Variants in ATL3 observed in about 807,000 individuals in gnomAD.
ATL3 encodes atlastin-3.
In ATL3, 49 loss-of-function variants were observed where a neutral mutation model predicts 69.5. That is an observed-to-expected ratio of 0.71 (90% CI 0.56 to 0.89). ATL3 has a LOEUF of 0.89. ATL3 is among the 40% of genes least tolerant of loss of function. ATL3 has a pLI of 0.00. For missense variants in ATL3, 606 were observed against 645.7 expected, an observed-to-expected ratio of 0.94 and a Z score of 0.67; for synonymous variants, 214 against 224.1, an observed-to-expected ratio of 0.95 and a Z score of 0.40.
intron 5 of ATL3, among the ~76,000 whole-genome samples, chr11:63,650,947 G>T (rs964469426): frequency 2.6e-5 from 4 of 152,084 alleles, no homozygotes; most frequent in Non-Finnish European, 5.9e-5. Flanking sequence ...GGTTTAGGAG[G>T]AATTTTCCTT....
chr11:63,637,255 AAC>A (rs1395210748), intron 8 of ATL3, among the ~76,000 whole-genome samples: 2 of 150,738 alleles, frequency 1.3e-5, no homozygotes, highest in Non-Finnish European at 1.5e-5. Context: ...CAGCCTGGGC[AAC>A]AGAGTGAGAC....
intron 1 of ATL3, among the ~76,000 whole-genome samples, chr11:63,665,004 G>C (rs568672979): frequency 1.8e-4 from 27 of 152,208 alleles, no homozygotes; most frequent in Non-Finnish European, 1.6e-4. Context: ...AGTAGACATG[G>C]AAGATAAAGT....
At chr11:63,647,011 G>A (rs989589818) in intron 5 of ATL3, among the ~76,000 whole-genome samples, 3 of 152,200 alleles carry the variant, frequency 2.0e-5, no homozygotes, top group South Asian at 2.1e-4. Context: ...GGGGCACACC[G>A]CTGCCTTAGG....
In ATL3 at chr11:63,631,037, T is replaced by G. The variant is rs1939296103; in HGVS notation, c.1539+3A>C. Reference sequence around the variant, plus strand: ...CCTCAGGCTCTTCAGCAGCACCACTTACCTGCTCCAACACATATGCGGCAC... The same window carrying G: ...CCTCAGGCTCTTCAGCAGCACCACTGACCTGCTCCAACACATATGCGGCAC... On this transcript the variant is annotated splice_donor_region_variant and intron_variant, in intron 12 of 12. Transcript: ENST00000398868. 6.2e-7 allele frequency: 1 copy of G among 1,604,576 alleles called. No homozygotes were observed.
chr11:63,661,612 G>A (rs1439355476), intron 1 of ATL3, among the ~76,000 whole-genome samples: 2 of 152,024 alleles, frequency 1.3e-5, no homozygotes, highest in East Asian at 1.9e-4. Flanking sequence ...GCAAGGGGCC[G>A]GGCGTGCTGG....
chr11:63,637,277 GA>G (rs56386158), intron 8 of ATL3, among the ~76,000 whole-genome samples: 67 of 139,966 alleles, frequency 4.8e-4, no homozygotes, highest in Non-Finnish European at 4.2e-4. Flanking sequence ...CTCCATCTCA[GA>G]AAAAAAAAAA....
chr11:63,668,979 C>A (rs979130732), intron 1 of ATL3, among the ~76,000 whole-genome samples: 29 of 143,196 alleles, frequency 2.0e-4, no homozygotes, highest in African/African-American at 6.8e-4. Flanking sequence ...CCTGCAACAC[C>A]ACGTTGGCTA....
At chr11:63,667,250 C>T (rs1160846046) in intron 1 of ATL3, among the ~76,000 whole-genome samples, 1 of 152,122 alleles carries the variant, frequency 6.6e-6, no homozygotes, top group Non-Finnish European at 1.5e-5. Flanking sequence ...TACTTCATTG[C>T]TGTAAATAGC....
chr11:63,652,826 A>G (rs1452976108), intron 3 of ATL3, among the ~76,000 whole-genome samples: 1 of 152,210 alleles, frequency 6.6e-6, no homozygotes, highest in African/African-American at 2.4e-5. Context: ...GAAACAGACA[A>G]AAGTTGAAAG....
Position 63,671,327 on chromosome 11 carries a change from G to A in ATL3, c.9C>T (p.Ser3=), listed in dbSNP as rs1940768404. The A allele has an allele frequency of 1.9e-6, 3 of 1,586,302 alleles. No individual in the cohort carries two copies. Among genetic ancestry groups the A allele is most frequent in the Admixed American group, 1.7e-5 (1 of 57,428 alleles). The change falls in exon 1 of 13, where the codon TCC becomes TCT. Residue 3 remains serine, a synonymous_variant. Transcript: ENST00000398868. ML[S]PQRVAAAASR... ...AGGCAGCTGCTGCCACTCGCTGAGG[G>A]GACAACATGGAGCCTCCGCCTTCAA... is the stretch of plus-strand genomic sequence containing the variant.
intron 8 of ATL3, among the ~76,000 whole-genome samples, chr11:63,638,231 C>T (rs958871844): frequency 1.2e-4 from 18 of 152,114 alleles, no homozygotes; most frequent in Admixed American, 1.2e-3. Flanking sequence ...CAGAAACAAA[C>T]TCAATCTTTA....
chr11:63,649,338 G>A (rs1371655178), intron 5 of ATL3, among the ~76,000 whole-genome samples: 3 of 151,988 alleles, frequency 2.0e-5, no homozygotes, highest in Non-Finnish European at 4.4e-5. Flanking sequence ...TAGAGACGGG[G>A]TTTCACCATG....
In ATL3 at chr11:63,652,498, A is replaced by G; in HGVS notation, c.483T>C (p.Ala161=). 2 of 1,609,874 alleles carry G rather than the reference A, an allele frequency of 1.2e-6. No homozygotes were observed. The highest frequency in any genetic ancestry group is 1.7e-6 in the Non-Finnish European group (2 of 1,177,248). ...GAACAGAACTAGTCATAGTGCTTAG[A>G]GCAAAGATGGTAGCACAGTCTTTCA... ...STVKDCATIF[A]LSTMTSSVQI... is the part of the protein sequence containing the mutation. The change falls in exon 4 of 13, where the codon GCT becomes GCC. Residue 161 remains alanine (A), a synonymous_variant. Transcript: ENST00000398868.
At chr11:63,663,478 G>C (rs1191354995) in intron 1 of ATL3, among the ~76,000 whole-genome samples, 1 of 152,138 alleles carries the variant, frequency 6.6e-6, no homozygotes, top group Non-Finnish European at 1.5e-5. Flanking sequence ...TGGAAAACAA[G>C]TTATAAATAT....
chr11:63,667,334 A>ATT (rs113726146), intron 1 of ATL3, among the ~76,000 whole-genome samples: 1 of 145,760 alleles, frequency 6.9e-6, no homozygotes. Flanking sequence ...ATTAGAAAGC[A>ATT]TTTTTTTTTT....
intron 8 of ATL3, among the ~76,000 whole-genome samples, chr11:63,641,939 A>T (rs1939714009): frequency 6.6e-6 from 1 of 152,148 alleles, no homozygotes; most frequent in Non-Finnish European, 1.5e-5. Flanking sequence ...AGTCACTCTA[A>T]TTCACCCTCT....
At chr11:63,638,342 G>A (rs1484097349) in intron 8 of ATL3, among the ~76,000 whole-genome samples, 1 of 152,134 alleles carries the variant, frequency 6.6e-6, no homozygotes, top group African/African-American at 2.4e-5. Flanking sequence ...ACAGTAAGTA[G>A]GAAGATAACA....
At chr11:63,652,061 C>T in intron 4 of ATL3, 75 bp from the exon 5 acceptor site, 1 of 1,541,470 alleles carries the variant, frequency 6.5e-7, no homozygotes, top group Non-Finnish European at 8.7e-7. Flanking sequence ...AAAGGGCTGA[C>T]AGAAGCTTTG....
rs1939514041 is a variant in ATL3 at position 63,636,287 on chromosome 11, C to T, written c.898G>A (p.Val300Ile). 1.2e-6 allele frequency: 2 copies of T among 1,613,994 alleles called. No individual in the cohort carries two copies. The highest frequency in any genetic ancestry group is 1.7e-6 in the Non-Finnish European group (2 of 1,180,010). The change falls in exon 9 of 13, where the codon GTA (valine) becomes ATA (isoleucine). Residue 300 changes from valine to isoleucine, a missense_variant. Physicochemically the swap from Val to Ile is conservative, Grantham distance 29. Transcript: ENST00000398868. Reference sequence around the variant, plus strand: ...TCCATTAACTTAGATGGGTTTAATACATACGGTATCAGTGCCTGTAACTGC... The same window carrying T: ...TCCATTAACTTAGATGGGTTTAATATATACGGTATCAGTGCCTGTAACTGC... Reference protein sequence around the residue: ...KEQLQALIPYVLNPSKLMEKE... With the variant: ...KEQLQALIPYILNPSKLMEKE...
Sources: allele counts gnomAD v4.1 joint callset (sites outside exome capture counted in the v4.1 genomes callset), GRCh38; gene constraint gnomAD v4.1.1; transcripts MANE v1.5; gene names NCBI Gene and HGNC (gene_info 2026-07-23, HGNC 2026-07-21).